The following NCOA3 variants were observed in gnomAD, a reference collection of about 807,000 sequenced individuals.
NCOA3 encodes CBP-interacting protein.
Under a neutral mutation model 158.8 loss-of-function variants are expected in NCOA3, and 51 were observed. That is an observed-to-expected ratio of 0.32 (90% CI 0.26 to 0.41). The LOEUF (loss-of-function observed/expected upper bound fraction) is 0.41, where lower values mean the gene tolerates loss of function less well. Ranked by LOEUF, NCOA3 falls within the 10% of genes least tolerant of loss-of-function variation. The pLI is 1.00. For synonymous variants in NCOA3, 537 were observed against 592.4 expected (o/e 0.91, Z 1.36); for missense variants, 1,510 against 1,746.6 (o/e 0.86, Z 2.41).
chr20:47,625,337 A>G, intron 4 of NCOA3, 44 bp from the exon 5 acceptor site: 1 of 1,332,444 alleles, frequency 7.5e-7, no homozygotes, highest in South Asian at 1.2e-5. Context: ...TTTAATCTAT[A>G]ACTGATAGTG....
chr20:47,528,551 G>C (rs1901291765), intron 1 of NCOA3, among the ~76,000 whole-genome samples: 1 of 151,928 alleles, frequency 6.6e-6, no homozygotes, highest in South Asian at 2.1e-4. Context: ...ACCTCTATTA[G>C]TATACAATAT....
intron 1 of NCOA3, among the ~76,000 whole-genome samples, chr20:47,518,874 G>T (rs1486434585): frequency 6.6e-6 from 1 of 152,104 alleles, no homozygotes; most frequent in African/African-American, 2.4e-5. Flanking sequence ...GGTGGCTCAC[G>T]CCTGTAACTC....
At chr20:47,596,912 A>C (rs1298852103) in intron 2 of NCOA3, among the ~76,000 whole-genome samples, 1 of 152,204 alleles carries the variant, frequency 6.6e-6, no homozygotes, top group Non-Finnish European at 1.5e-5. Flanking sequence ...TCTTACTGAA[A>C]TGTTTTATAC....
intron 1 of NCOA3, among the ~76,000 whole-genome samples, chr20:47,533,103 T>A (rs2084572281): frequency 1.9e-5 from 1 of 53,820 alleles, no homozygotes; most frequent in South Asian, 8.1e-4. Flanking sequence ...AGACTCTGTC[T>A]CAAAAAAAAA....
At chr20:47,510,192 G>A (rs1413519087) in intron 1 of NCOA3, among the ~76,000 whole-genome samples, 1 of 151,942 alleles carries the variant, frequency 6.6e-6, no homozygotes, top group Non-Finnish European at 1.5e-5. Flanking sequence ...CAGCACTTTG[G>A]GAGGCCAAGA....
At chr20:47,512,802 A>G (rs1017124880) in intron 1 of NCOA3, among the ~76,000 whole-genome samples, 2 of 152,190 alleles carry the variant, frequency 1.3e-5, no homozygotes, top group African/African-American at 2.4e-5. Context: ...ACGTGGATAC[A>G]TGGCTAGGAG....
intron 1 of NCOA3, among the ~76,000 whole-genome samples, chr20:47,506,956 C>G (rs1436882379): frequency 2.6e-5 from 4 of 152,090 alleles, no homozygotes. Context: ...CTGAATTTAA[C>G]TATTGATTAG....
chr20:47,642,561 C>T (rs879286999), intron 17 of NCOA3, among the ~76,000 whole-genome samples, 177 bp downstream of exon 17: 11 of 152,078 alleles, frequency 7.2e-5, no homozygotes, highest in South Asian at 2.1e-4. Context: ...GGTCTCAATT[C>T]GTATGTTAAA....
In NCOA3 at chr20:47,637,696, A is replaced by T; in HGVS notation, c.2425A>T (p.Ser809Cys). 1 of 1,611,574 alleles carries T rather than the reference A, an allele frequency of 6.2e-7. No individual in the cohort carries two copies. The highest frequency in any genetic ancestry group is 8.5e-7 in the Non-Finnish European group (1 of 1,178,638). The change falls in exon 13 of 23, where the codon AGT (serine) becomes TGT (cysteine). Residue 809 changes from serine to cysteine, a missense_variant. Physicochemically the swap from Ser to Cys is moderately radical, Grantham distance 112 (BLOSUM62 -1). Transcript: ENST00000371998. ...AGATGCTATTCTTGGTGATCTGACT[A>T]GTTCTGACTTTTACAATAATTCCAT... ...NLDAILGDLT[S>C]SDFYNNSISS...
chr20:47,563,952 G>A (rs1056332125), intron 1 of NCOA3, among the ~76,000 whole-genome samples: 1 of 151,346 alleles, frequency 6.6e-6, no homozygotes, highest in African/African-American at 2.4e-5. Flanking sequence ...TTGAACTCAG[G>A]AGTTTGAGAC....
chr20:47,642,137 A>G lies in NCOA3; in HGVS notation c.3081-76A>G, dbSNP rs994095555. Reference sequence around the variant, plus strand: ...TGAGTTACTGTTCATTAAAAATACTATGCATGGTTGCTGTGATCTATTACT... The same window carrying G: ...TGAGTTACTGTTCATTAAAAATACTGTGCATGGTTGCTGTGATCTATTACT... On this transcript the variant is annotated intron_variant, in intron 16 of 22. Coordinates refer to ENST00000371998, the MANE Select transcript of NCOA3 (RefSeq NM_181659.3). 17 of 1,092,712 alleles carry G rather than the reference A, an allele frequency of 1.6e-5. No homozygotes were observed. In the Admixed American group the frequency reaches 2.0e-4, roughly 13 times the overall value. 67.7% of individuals were successfully genotyped at this position (1,092,712 alleles called of 1,614,324 possible).
At chr20:47,616,202 T>G (rs556880888) in intron 2 of NCOA3, among the ~76,000 whole-genome samples, 1 of 139,278 alleles carries the variant, frequency 7.2e-6, no homozygotes, top group Non-Finnish European at 1.5e-5. Context: ...AAATGCAGGT[T>G]TTTTTTTTTG....
At chr20:47,557,589 T>A (rs2085027171) in intron 1 of NCOA3, among the ~76,000 whole-genome samples, 1 of 152,142 alleles carries the variant, frequency 6.6e-6, no homozygotes, top group Admixed American at 6.5e-5. Flanking sequence ...ATATACAAAT[T>A]GAGAATGTAC....
At chr20:47,619,645 T>TAA (rs76787208) in intron 2 of NCOA3, among the ~76,000 whole-genome samples, 8 of 121,478 alleles carry the variant, frequency 6.6e-5, no homozygotes, top group African/African-American at 1.2e-4. Context: ...ACCCTGTCTT[T>TAA]AAAAAAAAAA....
intron 3 of NCOA3, among the ~76,000 whole-genome samples, chr20:47,623,331 C>T (rs1322870645): frequency 6.6e-6 from 1 of 152,124 alleles, no homozygotes; most frequent in African/African-American, 2.4e-5. Flanking sequence ...ATGATTTATT[C>T]GTATTTTCTA....
intron 2 of NCOA3, among the ~76,000 whole-genome samples, chr20:47,584,748 G>C (rs919118768): frequency 6.6e-6 from 1 of 151,984 alleles, no homozygotes; most frequent in Non-Finnish European, 1.5e-5. Context: ...AGGAAATGTT[G>C]GTCCTACTGT....
intron 2 of NCOA3, among the ~76,000 whole-genome samples, chr20:47,600,655 C>G (rs1602466396): frequency 6.6e-6 from 1 of 151,648 alleles, no homozygotes; most frequent in African/African-American, 2.4e-5. Flanking sequence ...GCTGGGACTA[C>G]AGGCGTACAC....
At chr20:47,524,375 G>T (rs2084393416) in intron 1 of NCOA3, among the ~76,000 whole-genome samples, 1 of 152,206 alleles carries the variant, frequency 6.6e-6, no homozygotes, top group African/African-American at 2.4e-5. Context: ...TGGCGACAGG[G>T]TAGCTGGAAG....
intron 1 of NCOA3, among the ~76,000 whole-genome samples, chr20:47,502,435 T>C (rs941571553): frequency 1.3e-5 from 2 of 152,142 alleles, no homozygotes; most frequent in Non-Finnish European, 2.9e-5. Context: ...CTTAGCAGCT[T>C]CTGGGACGCA....
Sources: allele counts gnomAD v4.1 joint callset (sites outside exome capture counted in the v4.1 genomes callset), GRCh38; gene constraint gnomAD v4.1.1; transcripts MANE v1.5; gene names NCBI Gene and HGNC (gene_info 2026-07-23, HGNC 2026-07-21).